The following MAP3K2 variants were observed in gnomAD, a reference collection of about 807,000 sequenced individuals.
MAP3K2 encodes mitogen-activated protein kinase kinase kinase 2.
A neutral mutation model predicts 80.3 loss-of-function variants in MAP3K2; 24 were observed. The ratio of observed to expected loss-of-function variants is 0.30; its 90% confidence interval spans 0.22 to 0.42. MAP3K2 has a LOEUF of 0.42. Ranked by LOEUF, MAP3K2 falls within the 10% of genes least tolerant of loss-of-function variation. The pLI is 1.00. For synonymous variants in MAP3K2, 244 were observed against 253.7 expected (o/e 0.96, Z 0.36); for missense variants, 608 against 750.1 (o/e 0.81, Z 2.21).
intron 1 of MAP3K2, among the ~76,000 whole-genome samples, chr2:127,350,596 C>T (rs928890587): frequency 6.6e-6 from 1 of 151,742 alleles, no homozygotes; most frequent in Non-Finnish European, 1.5e-5. Flanking sequence ...AGAAAGACCA[C>T]CATTCAGCAA....
intron 1 of MAP3K2, among the ~76,000 whole-genome samples, chr2:127,360,579 T>G (rs1278694699): frequency 1.3e-5 from 2 of 152,224 alleles, no homozygotes; most frequent in Non-Finnish European, 2.9e-5. Flanking sequence ...ATGTGCAGTT[T>G]ATTGTATGTT....
intron 1 of MAP3K2, among the ~76,000 whole-genome samples, chr2:127,376,322 G>A (rs551526444): frequency 2.7e-5 from 1 of 37,730 alleles, no homozygotes; most frequent in East Asian, 9.1e-4. Flanking sequence ...GGGAGGGTGG[G>A]AAGGGGGGGA....
chr2:127,368,093 G>A (rs866672858), intron 1 of MAP3K2, among the ~76,000 whole-genome samples: 4 of 151,920 alleles, frequency 2.6e-5, no homozygotes, highest in East Asian at 1.9e-4. Flanking sequence ...AGGCCGAGGC[G>A]GGTGGATCAC....
chr2:127,342,675 A>C (rs988036810), intron 2 of MAP3K2, among the ~76,000 whole-genome samples: 8 of 39,556 alleles, frequency 2.0e-4, no homozygotes, highest in African/African-American at 8.1e-4. Flanking sequence ...AACAAAAAGG[A>C]GGTAAACAGG....
chr2:127,317,806 A>C (rs1433341526), intron 13 of MAP3K2, 46 bp from the exon 14 acceptor site: 1 of 1,552,396 alleles, frequency 6.4e-7, no homozygotes, highest in Admixed American at 2.0e-5. Flanking sequence ...TGTCAGTAAA[A>C]GCAAAAAATT....
chr2:127,305,779 T>C lies in MAP3K2; in HGVS notation c.*1800A>G, dbSNP rs990134193. 2.6e-5 allele frequency: 4 copies of C among 152,182 alleles called. No homozygotes were observed. Among genetic ancestry groups the C allele is most frequent in the African/African-American group, 9.6e-5 (4 of 41,456 alleles). The allele number at this position is 152,182 out of a possible 1,614,324, so 9.4% of individuals were successfully genotyped here. On this transcript the variant is annotated 3_prime_UTR_variant, in exon 17 of 17. Coordinates refer to ENST00000682094, the MANE Select transcript of MAP3K2 (RefSeq NM_001371910.2). ...AAATTGCTGATATCTTCATGTTTTATAGTAGCACAATTCTATTAGAGATAG... is the reference window on the plus strand; with the variant it reads ...AAATTGCTGATATCTTCATGTTTTACAGTAGCACAATTCTATTAGAGATAG...
At chr2:127,336,000 T>C in intron 4 of MAP3K2, 31 bp from the exon 5 acceptor site, 1 of 1,327,098 alleles carries the variant, frequency 7.5e-7, no homozygotes, top group South Asian at 1.3e-5. Context: ...GATTTTATTT[T>C]CTTAGGCAAA....
chr2:127,324,728 T>A (rs1487093784), intron 9 of MAP3K2, among the ~76,000 whole-genome samples: 10 of 152,208 alleles, frequency 6.6e-5, no homozygotes, highest in Admixed American at 6.5e-4. Flanking sequence ...AAATTTCATA[T>A]ACATGGATAA....
Position 127,378,981 on chromosome 2 carries a change from G to GTTTTTTTT in MAP3K2, c.-66+8463_-66+8470dup, listed in dbSNP as rs58961718. On this transcript the variant is annotated intron_variant, in intron 1 of 16. Coordinates refer to ENST00000682094, the MANE Select transcript of MAP3K2 (RefSeq NM_001371910.2). ...GGCTAATTTTGTGGGGTTTTTTGTT[G>GTTTTTTTT]TTTTTTTTTTTTTTTTTTTTTGGAG... Among the ~76,000 whole-genome samples, 62 of 88,046 alleles carry GTTTTTTTT rather than the reference G, an allele frequency of 7.0e-4. 1 individual carries two copies. The highest frequency in any genetic ancestry group is 2.8e-3 in the African/African-American group (62 of 22,344). 57.8% of individuals were successfully genotyped at this position (88,046 alleles called of 152,430 possible).
rs1314533005 is a variant in MAP3K2 at position 127,325,810 on chromosome 2, A to G, written c.598-3T>C. 1.2e-6 allele frequency: 2 copies of G among 1,606,428 alleles called. No individual in the cohort carries two copies. Among genetic ancestry groups the G allele is most frequent in the East Asian group, 2.2e-5 (1 of 44,822 alleles). On this transcript the variant is annotated splice_region_variant and splice_polypyrimidine_tract_variant and intron_variant, in intron 8 of 16. Transcript: ENST00000682094. The stretch of plus-strand genomic sequence containing the variant: ...CTTAAAGATAATGGATCCAGCATCT[A>G]GGAAAAAAAGGAGTTCCACCATGAT...
chr2:127,369,298 A>AGCAC (rs2104884883), intron 1 of MAP3K2, among the ~76,000 whole-genome samples: 1 of 151,396 alleles, frequency 6.6e-6, no homozygotes, highest in South Asian at 2.1e-4. Context: ...CAGATGCAGC[A>AGCAC]GCACCTGCAG....
upstream of MAP3K2, chr2:127,388,199 C>T: frequency 1.0e-6 from 1 of 984,672 alleles, no homozygotes; most frequent in Non-Finnish European, 1.2e-6. Context: ...CGCCCCCGCC[C>T]CTGCCCCGGG....
At chr2:127,358,049 G>A (rs1042286732) in intron 1 of MAP3K2, among the ~76,000 whole-genome samples, 34 of 151,586 alleles carry the variant, frequency 2.2e-4, no homozygotes, top group African/African-American at 7.0e-4. Context: ...CACAGACTAC[G>A]AGAAAAAATG....
intron 1 of MAP3K2, among the ~76,000 whole-genome samples, chr2:127,372,345 C>CCACAAAAGTACA (rs1354527129): frequency 8.5e-5 from 13 of 152,228 alleles, no homozygotes; most frequent in African/African-American, 2.9e-4. Flanking sequence ...AGCACAGGAG[C>CCACAAAAGTACA]CACAAAAGTA....
intron 5 of MAP3K2, among the ~76,000 whole-genome samples, chr2:127,334,671 C>T (rs938378333): frequency 1.3e-5 from 2 of 152,092 alleles, no homozygotes; most frequent in South Asian, 2.1e-4. Context: ...CTTGAACTCC[C>T]GGCCTCAGGT....
chr2:127,319,026 A>C (rs1337948507), intron 12 of MAP3K2, among the ~76,000 whole-genome samples: 1 of 151,970 alleles, frequency 6.6e-6, no homozygotes, highest in Admixed American at 6.6e-5. Context: ...TCTACCATGC[A>C]CTCATAGGAG....
At chr2:127,356,326 A>C (rs2104866861) in intron 1 of MAP3K2, among the ~76,000 whole-genome samples, 1 of 152,288 alleles carries the variant, frequency 6.6e-6, no homozygotes, top group African/African-American at 2.4e-5. Flanking sequence ...ATAGCCTTAC[A>C]AAATGCATTT....
intron 1 of MAP3K2, among the ~76,000 whole-genome samples, chr2:127,345,021 C>A: frequency 6.6e-6 from 1 of 152,140 alleles, no homozygotes; most frequent in Non-Finnish European, 1.5e-5. Flanking sequence ...CATGCTATCA[C>A]ACCCAGCTGA....
At chr2:127,381,975 C>T (rs1687254179) in intron 1 of MAP3K2, among the ~76,000 whole-genome samples, 1 of 152,034 alleles carries the variant, frequency 6.6e-6, no homozygotes, top group Non-Finnish European at 1.5e-5. Context: ...TATAAGACAA[C>T]TGTCTTGATC....
Sources: gnomAD v4.1 joint callset for allele counts (sites outside exome capture counted in the v4.1 genomes callset) on GRCh38, gnomAD v4.1.1 for gene constraint, MANE v1.5 for transcripts, NCBI Gene and HGNC (gene_info 2026-07-23, HGNC 2026-07-21) for gene names.